SLC30A8: variants seen among roughly 807,000 people sequenced by gnomAD.
The protein encoded by SLC30A8 is solute carrier family 30 member 8.
Under a neutral mutation model 36.9 loss-of-function variants are expected in SLC30A8, and 27 were observed. The ratio of observed to expected loss-of-function variants is 0.73; its 90% CI spans 0.54 to 1.01. The LOEUF (loss-of-function observed/expected upper bound fraction) is 1.01, where lower values mean the gene tolerates loss of function less well. Among genes scored for constraint, SLC30A8 ranks in the 50% least tolerant of loss-of-function variants. The probability of loss-of-function intolerance (pLI) is 0.00; values close to 1 mark genes in which losing one functional copy is unlikely to be tolerated. For synonymous variants in SLC30A8, 164 were observed against 172.4 expected, an observed-to-expected ratio of 0.95 and a Z score of 0.38; for missense variants, 439 against 452.0, an observed-to-expected ratio of 0.97 and a Z score of 0.26.
At chr8:117,063,333 C>T (rs1818075982) in intron 2 of SLC30A8, among the ~76,000 whole-genome samples, 1 of 152,122 alleles carries the variant, frequency 6.6e-6, no homozygotes, top group Non-Finnish European at 1.5e-5. Flanking sequence ...AGAGGGCTCC[C>T]CTCTGGTGTC....
At position 117,121,811 on chromosome 8, in the gene SLC30A8, A is replaced by T. The variant is rs114528734; in HGVS notation, c.-225-13469A>T. On this transcript the variant is annotated intron_variant, in intron 2 of 10. Transcript: ENST00000427715. ...ACAGTCAAACTGAGAAGCAAAAAGT[A>T]GAATGATAGTTGCCGGGGATTGTGG... Among the ~76,000 whole-genome samples, 994 of 152,074 alleles carry T rather than the reference A, an allele frequency of 6.5e-3. 13 individuals are homozygous for T. Among genetic ancestry groups the T allele is most frequent in the African/African-American group, 0.023 (945 of 41,550 alleles).
At chr8:117,153,377 G>T (rs977230819) in intron 3 of SLC30A8, among the ~76,000 whole-genome samples, 2 of 152,098 alleles carry the variant, frequency 1.3e-5, no homozygotes, top group Non-Finnish European at 2.9e-5. Flanking sequence ...CAGACATAAC[G>T]CAATTCATTA....
At chr8:117,056,534 T>G (rs1047606769) in intron 2 of SLC30A8, among the ~76,000 whole-genome samples, 1 of 151,752 alleles carries the variant, frequency 6.6e-6, no homozygotes, top group Non-Finnish European at 1.5e-5. Flanking sequence ...TTTCTCTTTT[T>G]CTTTCTTTTT....
chr8:117,078,876 T>C (rs1818573815), intron 2 of SLC30A8, among the ~76,000 whole-genome samples: 1 of 152,068 alleles, frequency 6.6e-6, no homozygotes, highest in Admixed American at 6.6e-5. Context: ...TTTGTAGAGG[T>C]GGGGTTTCAC....
In SLC30A8 at chr8:117,101,832, T is replaced by C. The variant is rs549873959; in HGVS notation, c.-225-33448T>C. Among the ~76,000 whole-genome samples the C allele has an allele frequency of 2.6e-5, 4 of 152,332 alleles. No homozygotes were observed. The South Asian group carries it at 8.3e-4, about 32-fold the overall frequency. On this transcript the variant is annotated intron_variant, in intron 2 of 10. Coordinates refer to the SLC30A8 transcript ENST00000427715. The stretch of plus-strand genomic sequence containing the variant: ...TATCGGACTTCAAGTTCTTCAGCTT[T>C]GGGATTTAGACTGACTTCCTTGCTT...
intron 2 of SLC30A8, among the ~76,000 whole-genome samples, chr8:117,064,766 C>G (rs931479577): frequency 6.6e-6 from 1 of 152,194 alleles, no homozygotes; most frequent in African/African-American, 2.4e-5. Context: ...TGTAAGCCCT[C>G]CTTCCCCAGC....
At chr8:117,151,547 C>G (rs183063608) in intron 2 of SLC30A8, among the ~76,000 whole-genome samples, 2 of 152,326 alleles carry the variant, frequency 1.3e-5, no homozygotes, top group East Asian at 3.9e-4. Context: ...TTCCAAGCCT[C>G]CATAGTAACA....
At chr8:116,983,328 A>G (rs1815339262) in intron 1 of SLC30A8, among the ~76,000 whole-genome samples, 1 of 152,294 alleles carries the variant, frequency 6.6e-6, no homozygotes, top group South Asian at 2.1e-4. Flanking sequence ...GGGCAAAATG[A>G]TCAGAGGCTG....
chr8:116,995,508 T>C (rs1815784496), intron 1 of SLC30A8, among the ~76,000 whole-genome samples: 1 of 152,014 alleles, frequency 6.6e-6, no homozygotes. Flanking sequence ...ACTTACGGAA[T>C]TTGTATCTGG....
At chr8:116,982,015 C>G (rs968864285) in intron 1 of SLC30A8, among the ~76,000 whole-genome samples, 1 of 152,156 alleles carries the variant, frequency 6.6e-6, no homozygotes, top group African/African-American at 2.4e-5. Context: ...AATGGCTAAA[C>G]TAATTTATAT....
At chr8:117,095,158 C>T (rs116743008) in intron 2 of SLC30A8, among the ~76,000 whole-genome samples, 1,778 of 152,290 alleles carry the variant, frequency 0.012, 54 homozygotes, top group African/African-American at 0.04. Flanking sequence ...TGCCTACTCC[C>T]AGCCCCCGTT....
rs1008697051 is a variant in SLC30A8, at chr8:117,065,506, G to T, written c.-226+26248G>T. 3.3e-5 allele frequency among the ~76,000 whole-genome samples: 5 copies of T among 152,220 alleles called. No individual in the cohort carries two copies. The South Asian group carries it at 8.3e-4, about 25-fold the overall frequency. On this transcript the variant is annotated intron_variant, in intron 2 of 10. Coordinates refer to the SLC30A8 transcript ENST00000427715. Reference sequence around the variant, plus strand: ...GGCCTAAGAGTCAGCATTTTCCCTAGGCAGCAGCAGTAGGAGCATATAGCC... The same window carrying T: ...GGCCTAAGAGTCAGCATTTTCCCTATGCAGCAGCAGTAGGAGCATATAGCC...
chr8:117,026,900 ATAGCTGGTGGGG>A (rs1158688524), intron 1 of SLC30A8, among the ~76,000 whole-genome samples: 1 of 152,196 alleles, frequency 6.6e-6, no homozygotes, highest in Non-Finnish European at 1.5e-5. Flanking sequence ...CTGAGGTCAC[ATAGCTGGTGGGG>A]TAGCAGAGCT....
At chr8:117,023,587 T>C (rs1359612954) in intron 1 of SLC30A8, among the ~76,000 whole-genome samples, 1 of 152,048 alleles carries the variant, frequency 6.6e-6, no homozygotes, top group Non-Finnish European at 1.5e-5. Flanking sequence ...TGGATGAAGC[T>C]GGAAACCATC....
At chr8:117,077,507 A>G (rs1379698575) in intron 2 of SLC30A8, among the ~76,000 whole-genome samples, 1 of 152,218 alleles carries the variant, frequency 6.6e-6, no homozygotes, top group East Asian at 1.9e-4. Flanking sequence ...ACGCAAACCT[A>G]TAAGAATAAG....
intron 1 of SLC30A8, among the ~76,000 whole-genome samples, chr8:117,139,035 T>C (rs1821508254): frequency 6.6e-6 from 1 of 152,026 alleles, no homozygotes; most frequent in Non-Finnish European, 1.5e-5. Context: ...GGCTTGTTGC[T>C]TCATGATAGC....
chr8:117,073,208 T>C (rs971385333), intron 2 of SLC30A8, among the ~76,000 whole-genome samples: 10 of 152,174 alleles, frequency 6.6e-5, no homozygotes, highest in Admixed American at 4.6e-4. Context: ...AGCTTTTTGT[T>C]AGTAACATTG....
intron 2 of SLC30A8, among the ~76,000 whole-genome samples, chr8:117,099,810 A>G (rs1199199984): frequency 6.6e-6 from 1 of 152,214 alleles, no homozygotes; most frequent in East Asian, 1.9e-4. Context: ...CCATTAAATG[A>G]GATGACATGT....
chr8:117,057,292 A>G (rs2130781014), intron 2 of SLC30A8, among the ~76,000 whole-genome samples: 1 of 152,334 alleles, frequency 6.6e-6, no homozygotes, highest in South Asian at 2.1e-4. Context: ...TAAGGCGTAC[A>G]GTGTGATGAT....
Sources: allele counts gnomAD v4.1 joint callset (sites outside exome capture counted in the v4.1 genomes callset), GRCh38; gene constraint gnomAD v4.1.1; transcripts MANE v1.5; gene names NCBI Gene and HGNC (gene_info 2026-07-23, HGNC 2026-07-21).